ZNF66: variants seen among roughly 807,000 people sequenced by gnomAD.
ZNF66 encodes the protein zinc finger protein 66, also known as putative zinc finger protein 66.
A neutral mutation model predicts 35.2 loss-of-function variants in ZNF66; 32 were observed. The ratio of observed to expected loss-of-function variants is 0.91; its 90% CI spans 0.69 to 1.22. ZNF66 has a LOEUF of 1.22. Among genes scored for constraint, ZNF66 ranks in the 50% most tolerant of loss-of-function variants. The pLI is 0.00. For missense variants in ZNF66, 666 were observed against 543.1 expected (o/e 1.23, Z -2.25); for synonymous variants, 231 against 181.3 (o/e 1.27, Z -2.20).
At chr19:20,800,986 A>G (rs951699788) in intron 3 of ZNF66, among the ~76,000 whole-genome samples, 3 of 152,064 alleles carry the variant, frequency 2.0e-5, no homozygotes, top group South Asian at 2.1e-4. Context: ...TTTGCTTTAT[A>G]TATTTTGGAG....
chr19:20,804,469 C>A (rs918570770), intron 3 of ZNF66, among the ~76,000 whole-genome samples: 3 of 151,834 alleles, frequency 2.0e-5, no homozygotes, highest in Non-Finnish European at 4.4e-5. Flanking sequence ...AATCTTGAAC[C>A]TCTGACCTCA....
intron 1 of ZNF66, 111 bp from the exon 2 acceptor site, chr19:20,792,401 C>G (rs747767688): frequency 1.0e-6 from 1 of 954,936 alleles, no homozygotes; most frequent in African/African-American, 1.7e-5. Context: ...TAACTTTAGT[C>G]AGTCCTATAA....
chr19:20,792,279 T>C (rs1158123321), intron 1 of ZNF66, among the ~76,000 whole-genome samples: 2 of 152,252 alleles, frequency 1.3e-5, no homozygotes, highest in East Asian at 3.8e-4. Flanking sequence ...TTTTATAGTT[T>C]ATTTTCTAGA....
Position 20,793,297 on chromosome 19 carries a change from ATTTTCTTTTC to A in ZNF66, c.131-456_131-447del, listed in dbSNP as rs562862450. 1.7e-3 allele frequency among the ~76,000 whole-genome samples: 197 copies of A among 116,198 alleles called. 3 individuals are homozygous for A. Among genetic ancestry groups the A allele is most frequent in the South Asian group, 5.5e-3 (19 of 3,476 alleles). 76.2% of individuals were successfully genotyped at this position (116,198 alleles called of 152,430 possible). A position where few individuals can be genotyped will look rare whatever the true frequency, so the allele number is the denominator to read the frequency against. On this transcript the variant is annotated intron_variant, in intron 2 of 3. Transcript: ENST00000344519. Reference sequence around the variant, plus strand: ...ATTAGGAAACCTACAAATTGAAAGTATTTTCTTTTCTTTTCTTTTCTTTTCTTTTCTTTTC... The same window carrying A: ...ATTAGGAAACCTACAAATTGAAAGTATTTTCTTTTCTTTTCTTTTCTTTTC...
Position 20,806,870 on chromosome 19 carries a change from C to T in ZNF66, c.1270C>T (p.Pro424Ser), listed in dbSNP as rs763781419. The change falls in exon 4 of 4, where the codon CCC (proline) becomes TCC (serine). Residue 424 changes from proline (P) to serine (S), a missense_variant. Coordinates refer to ENST00000344519, the MANE Select transcript of ZNF66 (RefSeq NM_001355197.2). ...TAAGAGAATTCATACTGGAGAGAAA[C>T]CCTACAAATGTGAAGAATGTGGCAA... Reference protein sequence around the residue: ...KHKRIHTGEKPYKCEECGKAF... With the variant: ...KHKRIHTGEKSYKCEECGKAF... 13 of 1,352,200 alleles carry T rather than the reference C, an allele frequency of 9.6e-6. No individual in the cohort carries two copies. In the East Asian group the frequency reaches 1.8e-4, roughly 19 times the overall value. The allele number at this position is 1,352,200 out of a possible 1,614,324, so 83.8% of individuals were successfully genotyped here. A position where few individuals can be genotyped will look rare whatever the true frequency, so the allele number is the denominator to read the frequency against.
rs866362765 is a variant in ZNF66 at position 20,809,862 on chromosome 19, T to G, written c.*2540T>G. Among the ~76,000 whole-genome samples, 1 of 151,918 alleles carries G rather than the reference T, an allele frequency of 6.6e-6. No homozygotes were observed. Among genetic ancestry groups the G allele is most frequent in the African/African-American group, 2.4e-5 (1 of 41,352 alleles). On this transcript the variant is annotated 3_prime_UTR_variant, in exon 4 of 4. Transcript: ENST00000344519. ...CTTTAAATGTAAATGGGCTAAATGC[T>G]CCAATTAAAAGACACAGACAGGCAA...
intron 3 of ZNF66, among the ~76,000 whole-genome samples, chr19:20,795,111 A>G (rs1395704203): frequency 6.6e-6 from 1 of 151,832 alleles, no homozygotes; most frequent in African/African-American, 2.4e-5. Context: ...CTGACCTCAG[A>G]TGATCTGCCC....
intron 3 of ZNF66, among the ~76,000 whole-genome samples, chr19:20,804,572 TC>T (rs1198476012): frequency 1.3e-5 from 2 of 152,136 alleles, no homozygotes; most frequent in Non-Finnish European, 2.9e-5. Flanking sequence ...GAGACAGGCT[TC>T]CTCTGTTGTC....
At chr19:20,804,782 G>A (rs769365718) in intron 3 of ZNF66, among the ~76,000 whole-genome samples, 43 of 152,248 alleles carry the variant, frequency 2.8e-4, no homozygotes, top group Non-Finnish European at 5.4e-4. Flanking sequence ...TCTCAAACAT[G>A]TTTTTAGGAT....
Position 20,807,959 on chromosome 19 carries a change from T to C in ZNF66, c.*637T>C, listed in dbSNP as rs1277583091. ...GGAGTCAGGGAGTTCCCTTTCCTAG[T>C]CAAAGAAAGGGGTGACAGATGGCAC... On this transcript the variant is annotated 3_prime_UTR_variant, in exon 4 of 4. Transcript: ENST00000344519. 6.6e-6 allele frequency among the ~76,000 whole-genome samples: 1 copy of C among 150,526 alleles called. No individual in the cohort carries two copies. The highest frequency in any genetic ancestry group is 1.5e-5 in the Non-Finnish European group (1 of 67,062).
chr19:20,799,616 T>C (rs909219189), intron 3 of ZNF66, among the ~76,000 whole-genome samples: 1 of 152,194 alleles, frequency 6.6e-6, no homozygotes, highest in African/African-American at 2.4e-5. Context: ...AATATATTAT[T>C]GTATCATTCA....
In ZNF66 at chr19:20,808,959, C is replaced by G. The variant is rs537032590; in HGVS notation, c.*1637C>G. ...GTTAAAAAATTAGACGAATGTATAA[C>G]TAGAATAACCAATGCAGAGAAATGC... On this transcript the variant is annotated 3_prime_UTR_variant, in exon 4 of 4. Transcript: ENST00000344519. 1.4e-3 allele frequency among the ~76,000 whole-genome samples: 210 copies of G among 147,168 alleles called. No individual in the cohort carries two copies. The highest frequency in any genetic ancestry group is 2.6e-3 in the Non-Finnish European group (172 of 65,988).
At chr19:20,804,574 C>T (rs1971481573) in intron 3 of ZNF66, among the ~76,000 whole-genome samples, 1 of 152,094 alleles carries the variant, frequency 6.6e-6, no homozygotes, top group African/African-American at 2.4e-5. Context: ...GACAGGCTTC[C>T]TCTGTTGTCC....
chr19:20,806,340 A>G lies in ZNF66; in HGVS notation c.740A>G (p.His247Arg), dbSNP rs1386423362. Residue 247 changes from histidine to arginine, a missense_variant, in exon 4 of 4, where the codon CAT becomes CGT. Transcript: ENST00000344519. The stretch of plus-strand genomic sequence containing the variant: ...AACCGCTCCTCTAACCTTACTACAC[A>G]TAAGAAAATTCATACTGGAGAGAAA... ...AFNRSSNLTT[H>R]KKIHTGEKPY... is the part of the protein sequence containing the mutation. The G allele has an allele frequency of 1.3e-6, 2 of 1,553,814 alleles. No individual in the cohort carries two copies. Among genetic ancestry groups the G allele is most frequent in the South Asian group, 1.1e-5 (1 of 89,872 alleles).
chr19:20,799,065 C>CTTTTTTTTTTTTTTTTTTTTTTTTTT (rs746296804), intron 3 of ZNF66: 1 of 128,156 alleles, frequency 7.8e-6, no homozygotes, highest in Admixed American at 8.0e-5. Flanking sequence ...TTCTTTCTTT[C>CTTTTTTTTTTTTTTTTTTTTTTTTTT]TTTTTTTTTT....
At chr19:20,798,411 C>T (rs751448442) in intron 3 of ZNF66, among the ~76,000 whole-genome samples, 3 of 151,874 alleles carry the variant, frequency 2.0e-5, no homozygotes, top group Non-Finnish European at 4.4e-5. Context: ...CCAGCCTGGG[C>T]AGCATATGGA....
intron 1 of ZNF66, among the ~76,000 whole-genome samples, chr19:20,792,184 T>C (rs1307177053): frequency 1.3e-5 from 2 of 152,202 alleles, no homozygotes; most frequent in Non-Finnish European, 2.9e-5. Context: ...AACATGCCTT[T>C]TTCATCTGAA....
In ZNF66 at chr19:20,806,964, G is replaced by A. The variant is rs1437707006; in HGVS notation, c.1364G>A (p.Cys455Tyr). 1.7e-5 allele frequency: 19 copies of A among 1,106,498 alleles called. No individual in the cohort carries two copies. Among genetic ancestry groups the A allele is most frequent in the Non-Finnish European group, 2.6e-5 (19 of 719,016 alleles). The allele number at this position is 1,106,498 out of a possible 1,614,324, so 68.5% of individuals were successfully genotyped here. Residue 455 changes from cysteine to tyrosine, a missense_variant, in exon 4 of 4, where the codon TGT becomes TAT. Coordinates refer to ENST00000344519, the MANE Select transcript of ZNF66 (RefSeq NM_001355197.2). ...IIHTGEKPYE[C>Y]EDCGKAFNRS... ...CACACTGGAGAGAAACCCTACGAAT[G>A]TGAAGACTGTGGCAAAGCCTTTAAC...
At chr19:20,779,803 C>A (rs1192455257) in intron 1 of ZNF66, among the ~76,000 whole-genome samples, 2 of 151,584 alleles carry the variant, frequency 1.3e-5, no homozygotes, top group Non-Finnish European at 2.9e-5. Context: ...TGGTGCATGC[C>A]TGTAATCCCA....
Sources: gnomAD v4.1 joint callset for allele counts (sites outside exome capture counted in the v4.1 genomes callset) on GRCh38, gnomAD v4.1.1 for gene constraint, MANE v1.5 for transcripts, NCBI Gene and HGNC (gene_info 2026-07-23, HGNC 2026-07-21) for gene names.